PRIM2: variants seen among roughly 807,000 people sequenced by gnomAD.
PRIM2 encodes DNA primase subunit 2.
In PRIM2, 39 loss-of-function variants were observed where a neutral mutation model predicts 67.3. That is an observed-to-expected ratio of 0.58 (90% CI 0.45 to 0.76). The LOEUF is 0.76. Ranked by LOEUF, PRIM2 falls within the 30% of genes least tolerant of loss-of-function variation. The probability of loss-of-function intolerance (pLI) is 0.00; values close to 1 mark genes in which losing one functional copy is unlikely to be tolerated. For synonymous variants in PRIM2, 143 were observed against 198.7 expected (o/e 0.72, Z 2.36); for missense variants, 398 against 598.7 (o/e 0.66, Z 3.50).
the PRIM2 span, among the ~76,000 whole-genome samples, chr6:57,227,665 A>G: frequency 9.7e-4 from 146 of 150,330 alleles, 3 homozygotes; most frequent in Non-Finnish European, 2.2e-4. Context: ...AAAAAAAAGA[A>G]TAAATAAATT....
At chr6:57,245,880 A>G in the PRIM2 span, among the ~76,000 whole-genome samples, 6 of 152,176 alleles carry the variant, frequency 3.9e-5, no homozygotes, top group Admixed American at 6.5e-5. Flanking sequence ...AGCACAATGA[A>G]TTTTTAATAT....
chr6:57,311,620 A>G (rs1475546981), upstream of PRIM2, among the ~76,000 whole-genome samples: 6 of 152,034 alleles, frequency 3.9e-5, no homozygotes, highest in Non-Finnish European at 7.4e-5. Flanking sequence ...CACTTCCTAG[A>G]CGGGGTGACC....
chr6:57,537,396 A>T (rs1393602877), intron 9 of PRIM2, 44 bp from the exon 10 acceptor site: 106 of 997,752 alleles, frequency 1.1e-4, no homozygotes, highest in Non-Finnish European at 1.4e-4. Context: ...GGGACCTGAT[A>T]AGTCTTCCAC....
At chr6:57,233,098 G>T in the PRIM2 span, among the ~76,000 whole-genome samples, 1 of 152,160 alleles carries the variant, frequency 6.6e-6, no homozygotes. Context: ...CCACAGACAT[G>T]TTGGAGTTTG....
chr6:57,271,677 A>G, the PRIM2 span, among the ~76,000 whole-genome samples: 136 of 152,138 alleles, frequency 8.9e-4, no homozygotes, highest in African/African-American at 3.1e-3. Flanking sequence ...TGGCTTTTGA[A>G]TGTGTTTGCT....
chr6:57,625,948 C>T (rs1776943210), intron 12 of PRIM2, among the ~76,000 whole-genome samples: 2 of 152,212 alleles, frequency 1.3e-5, no homozygotes, highest in South Asian at 2.1e-4. Context: ...ATCTCCACCA[C>T]ATTTTTCTTT....
chr6:57,308,531 A>G, the PRIM2 span, among the ~76,000 whole-genome samples: 1 of 152,188 alleles, frequency 6.6e-6, no homozygotes, highest in East Asian at 1.9e-4. Context: ...AACTTTCTCT[A>G]GAGAATATAC....
At chr6:57,397,174 T>C (rs1770543782) in intron 7 of PRIM2, among the ~76,000 whole-genome samples, 1 of 152,206 alleles carries the variant, frequency 6.6e-6, no homozygotes, top group Non-Finnish European at 1.5e-5. Flanking sequence ...ATGGATTTCC[T>C]GGGTATTCTT....
chr6:57,269,203 C>T, the PRIM2 span, among the ~76,000 whole-genome samples: 15 of 151,286 alleles, frequency 9.9e-5, no homozygotes, highest in South Asian at 2.1e-4. Context: ...CCTGAGGAAT[C>T]GCCACACTGA....
At chr6:57,261,918 C>T in the PRIM2 span, among the ~76,000 whole-genome samples, 1,953 of 152,268 alleles carry the variant, frequency 0.013, 138 homozygotes, top group Admixed American at 0.11. Context: ...CTCAACATCC[C>T]TTGCTAATTC....
At chr6:57,352,592 G>C (rs910701456) in intron 5 of PRIM2, among the ~76,000 whole-genome samples, 3 of 152,112 alleles carry the variant, frequency 2.0e-5, no homozygotes, top group African/African-American at 7.2e-5. Context: ...TTTACCCTTG[G>C]TTGAATATAT....
At chr6:57,372,200 G>A (rs62417990) in intron 5 of PRIM2, among the ~76,000 whole-genome samples, 3 of 152,160 alleles carry the variant, frequency 2.0e-5, no homozygotes, top group Non-Finnish European at 2.9e-5. Flanking sequence ...TGAGGTGAAA[G>A]TTTCCAGTTG....
At chr6:57,579,436 A>G (rs1776038141) in intron 10 of PRIM2, among the ~76,000 whole-genome samples, 1 of 152,086 alleles carries the variant, frequency 6.6e-6, no homozygotes, top group Non-Finnish European at 1.5e-5. Context: ...TAAAAATTTT[A>G]TGTAATTTTG....
chr6:57,614,951 A>G (rs1441628300), intron 12 of PRIM2, among the ~76,000 whole-genome samples: 2 of 152,018 alleles, frequency 1.3e-5, no homozygotes, highest in Non-Finnish European at 2.9e-5. Flanking sequence ...AATCCTTTCA[A>G]TGTTTTGTTA....
chr6:57,483,551 A>G (rs1301032085), intron 7 of PRIM2, among the ~76,000 whole-genome samples: 1 of 152,194 alleles, frequency 6.6e-6, no homozygotes, highest in South Asian at 2.1e-4. Flanking sequence ...ATAACCCAGA[A>G]GCTAGTATTT....
intron 5 of PRIM2, among the ~76,000 whole-genome samples, chr6:57,338,482 C>T (rs12055435): frequency 1.3e-5 from 2 of 150,518 alleles, no homozygotes; most frequent in East Asian, 1.9e-4. Context: ...AAACCGAATC[C>T]AGCAGCACAT....
chr6:57,253,501 A>G, the PRIM2 span, among the ~76,000 whole-genome samples: 1 of 152,090 alleles, frequency 6.6e-6, no homozygotes, highest in Non-Finnish European at 1.5e-5. Context: ...CCATGTGGCT[A>G]TATCTGTTCT....
chr6:57,626,214 G>T (rs1776947422), intron 12 of PRIM2, among the ~76,000 whole-genome samples: 1 of 152,254 alleles, frequency 6.6e-6, no homozygotes, highest in South Asian at 2.1e-4. Context: ...AACCTCGTTG[G>T]CAGGCATTGA....
At chr6:57,455,236 G>A (rs1364256619) in intron 7 of PRIM2, among the ~76,000 whole-genome samples, 2 of 152,208 alleles carry the variant, frequency 1.3e-5, no homozygotes, top group Admixed American at 1.3e-4. Context: ...TAAGTGAGGT[G>A]TGGTGCTGAG....
Sources: gnomAD v4.1 joint callset for allele counts (sites outside exome capture counted in the v4.1 genomes callset) on GRCh38, gnomAD v4.1.1 for gene constraint, MANE v1.5 for transcripts, NCBI Gene and HGNC (gene_info 2026-07-23, HGNC 2026-07-21) for gene names.